The following ITPR2 variants were observed in gnomAD, a reference collection of about 807,000 sequenced individuals.
The protein encoded by ITPR2 is inositol 1,4,5-trisphosphate receptor type 2.
In ITPR2, 207 loss-of-function variants were observed where a neutral mutation model predicts 317.1. The ratio of observed to expected loss-of-function variants is 0.65; its 90% CI spans 0.58 to 0.73. The LOEUF (loss-of-function observed/expected upper bound fraction) is 0.73. Among genes scored for constraint, ITPR2 ranks in the 30% least tolerant of loss-of-function variants. The pLI, the probability that ITPR2 is intolerant of heterozygous loss-of-function variation, is 0.00. For missense variants in ITPR2, 2,613 were observed against 3,284.0 expected (o/e 0.80, Z 4.99); for synonymous variants, 1,156 against 1,149.1 (o/e 1.01, Z -0.12).
chr12:26,357,493 A>G (rs913746187), intron 55 of ITPR2, among the ~76,000 whole-genome samples: 5 of 152,146 alleles, frequency 3.3e-5, no homozygotes, highest in African/African-American at 1.2e-4. Context: ...CTTGATTTGT[A>G]TGCTTTATAT....
Position 26,387,441 on chromosome 12 carries a change from AT to A in ITPR2, c.7849del (p.Met2617Ter). On this transcript the variant is annotated frameshift_variant, in exon 55 of 57. Coordinates refer to ENST00000381340, the MANE Select transcript of ITPR2 (RefSeq NM_002223.4). LOFTEE classifies it high-confidence loss of function. ...AACCTTCTGGTCACTCACCACAATC[AT>A]TTGAGCCACATAACTTTCAGGTCCA... is the stretch of plus-strand genomic sequence containing the variant. ...YTGPESYVAQ[M>X]IVEKNLDWFP... is the part of the protein sequence containing the mutation. 1 of 1,613,562 alleles carries A rather than the reference AT, an allele frequency of 6.2e-7. No individual in the cohort carries two copies. Among genetic ancestry groups the A allele is most frequent in the South Asian group, 1.1e-5 (1 of 91,030 alleles).
intron 45 of ITPR2, among the ~76,000 whole-genome samples, chr12:26,454,397 G>C (rs1941825664): frequency 6.6e-6 from 1 of 151,956 alleles, no homozygotes; most frequent in South Asian, 2.1e-4. Flanking sequence ...GTAGAGATGG[G>C]GTTTCACCAT....
intron 45 of ITPR2, among the ~76,000 whole-genome samples, chr12:26,444,942 T>G (rs967926700): frequency 1.3e-5 from 2 of 152,196 alleles, no homozygotes; most frequent in African/African-American, 4.8e-5. Flanking sequence ...TTTTTTTAAC[T>G]AAATTTGAAT....
intron 37 of ITPR2, among the ~76,000 whole-genome samples, chr12:26,504,441 C>A (rs546505788): frequency 2.6e-5 from 4 of 152,008 alleles, no homozygotes; most frequent in Non-Finnish European, 4.4e-5. Context: ...GAAAAGCTGA[C>A]AGAAGAACTG....
chr12:26,736,151 G>A (rs138015870), intron 2 of ITPR2, among the ~76,000 whole-genome samples: 3 of 152,018 alleles, frequency 2.0e-5, no homozygotes, highest in East Asian at 1.9e-4. Context: ...TTTGCGGGGT[G>A]GGGGGAGGTC....
rs548329183 is a variant in ITPR2 at position 26,377,855 on chromosome 12, C to T, written c.7857+9579G>A. Among the ~76,000 whole-genome samples, 3 of 152,254 alleles carry T rather than the reference C, an allele frequency of 2.0e-5. No homozygotes were observed. The South Asian group carries it at 6.2e-4, about 32-fold the overall frequency. ...CTTAATTCGTTTCCTTTCTTGTTCTCACACTTTTCTTTTAAGATACACACT... is the reference window on the plus strand; with the variant it reads ...CTTAATTCGTTTCCTTTCTTGTTCTTACACTTTTCTTTTAAGATACACACT... On this transcript the variant is annotated intron_variant, in intron 55 of 56. Transcript: ENST00000381340.
chr12:26,394,342 G>A (rs1460006335), intron 54 of ITPR2, among the ~76,000 whole-genome samples: 1 of 152,188 alleles, frequency 6.6e-6, no homozygotes, highest in Non-Finnish European at 1.5e-5. Flanking sequence ...TATGTACAGT[G>A]CTATATAGCT....
chr12:26,444,148 C>T (rs1217748366), intron 45 of ITPR2, among the ~76,000 whole-genome samples: 1 of 152,046 alleles, frequency 6.6e-6, no homozygotes, highest in Non-Finnish European at 1.5e-5. Context: ...AAAATGAGTG[C>T]TTTCTGGGTA....
chr12:26,546,425 A>G (rs530422482), intron 37 of ITPR2, among the ~76,000 whole-genome samples: 3 of 152,178 alleles, frequency 2.0e-5, no homozygotes, highest in East Asian at 3.8e-4. Context: ...GCTCCCACAT[A>G]TAAGTGAGAA....
At chr12:26,465,057 A>G (rs1942135276) in intron 45 of ITPR2, among the ~76,000 whole-genome samples, 2 of 152,248 alleles carry the variant, frequency 1.3e-5, no homozygotes, top group Non-Finnish European at 2.9e-5. Flanking sequence ...ATCATGGTAC[A>G]GCTGGTGTTT....
chr12:26,340,310 A>T lies in ITPR2; in HGVS notation c.7876T>A (p.Phe2626Ile), dbSNP rs758337577. The stretch of plus-strand genomic sequence containing the variant: ...AGGGACATGGCTCGCATCCGAGGAA[A>T]CCAATCCAAATTCTTCTCCTGAAAG... ...QMIVEKNLDW[F>I]PRMRAMSLVS... The change falls in exon 56 of 57, where the codon TTT (phenylalanine) becomes ATT (isoleucine). Residue 2626 changes from phenylalanine to isoleucine, a missense_variant. Coordinates refer to ENST00000381340, the MANE Select transcript of ITPR2 (RefSeq NM_002223.4). The T allele has an allele frequency of 1.2e-6, 2 of 1,602,044 alleles. No homozygotes were observed. Among genetic ancestry groups the T allele is most frequent in the Non-Finnish European group, 1.7e-6 (2 of 1,174,542 alleles).
chr12:26,545,977 T>A (rs1944383499), intron 37 of ITPR2, among the ~76,000 whole-genome samples: 1 of 152,224 alleles, frequency 6.6e-6, no homozygotes, highest in Admixed American at 6.5e-5. Context: ...TAGAAATACT[T>A]CTCATTTCAA....
chr12:26,350,024 G>T (rs1318206934), intron 55 of ITPR2, among the ~76,000 whole-genome samples: 4 of 152,194 alleles, frequency 2.6e-5, no homozygotes, highest in African/African-American at 9.7e-5. Flanking sequence ...AGCCATGATG[G>T]GAGGGGGTGT....
At chr12:26,569,547 T>A (rs1945101161) in intron 34 of ITPR2, among the ~76,000 whole-genome samples, 1 of 106,608 alleles carries the variant, frequency 9.4e-6, no homozygotes. Flanking sequence ...AGAGCAAGAC[T>A]CTGTCTCAAA....
At chr12:26,600,713 CCTAT>C (rs57225942) in intron 28 of ITPR2, among the ~76,000 whole-genome samples, 31,100 of 151,510 alleles carry the variant, frequency 0.21, 3,303 homozygotes, top group Middle Eastern at 0.26. Flanking sequence ...TTCCTCTTTT[CCTAT>C]CTATTATTTC....
intron 13 of ITPR2, among the ~76,000 whole-genome samples, chr12:26,666,515 C>G (rs971247508): frequency 1.3e-5 from 2 of 152,180 alleles, no homozygotes; most frequent in Non-Finnish European, 2.9e-5. Context: ...GGGAAAACAG[C>G]TATACTAAAT....
At chr12:26,708,057 C>T (rs1948586939) in intron 9 of ITPR2, among the ~76,000 whole-genome samples, 2 of 152,178 alleles carry the variant, frequency 1.3e-5, no homozygotes, top group Admixed American at 6.5e-5. Context: ...GATATCATCT[C>T]ACCCCGTTTA....
At chr12:26,446,716 C>A (rs1941616317) in intron 45 of ITPR2, among the ~76,000 whole-genome samples, 1 of 106,820 alleles carries the variant, frequency 9.4e-6, no homozygotes. Flanking sequence ...AGAGAAGAGG[C>A]ATTCTAAAAG....
chr12:26,453,583 G>C (rs1279164465), intron 45 of ITPR2, among the ~76,000 whole-genome samples: 1 of 152,192 alleles, frequency 6.6e-6, no homozygotes. Flanking sequence ...ATGGAAAACA[G>C]ACATCTCTTT....
Sources: allele counts gnomAD v4.1 joint callset (sites outside exome capture counted in the v4.1 genomes callset), GRCh38; gene constraint gnomAD v4.1.1; transcripts MANE v1.5; gene names NCBI Gene and HGNC (gene_info 2026-07-23, HGNC 2026-07-21).